The following SEPTIN11 variants were observed in gnomAD, a reference collection of about 807,000 sequenced individuals.
SEPTIN11 encodes septin 11.
Under a neutral mutation model 51.4 loss-of-function variants are expected in SEPTIN11, and 25 were observed. The observed-to-expected ratio is 0.49, with a 90% confidence interval of 0.35 to 0.68. SEPTIN11 has a LOEUF of 0.68. SEPTIN11 is among the 30% of genes least tolerant of loss of function. The pLI is 0.00. For missense variants in SEPTIN11, 381 were observed against 520.8 expected, an observed-to-expected ratio of 0.73 and a Z score of 2.61; for synonymous variants, 174 against 184.1, an observed-to-expected ratio of 0.95 and a Z score of 0.44.
intron 1 of SEPTIN11, among the ~76,000 whole-genome samples, chr4:76,950,184 C>T (rs1452786117): frequency 2.0e-5 from 3 of 152,218 alleles, no homozygotes; most frequent in African/African-American, 7.2e-5. Flanking sequence ...AAGGACCCCT[C>T]TCCTGTTCCC....
chr4:77,012,062 T>C (rs1465525220), intron 4 of SEPTIN11, 141 bp downstream of exon 4: 2 of 504,082 alleles, frequency 4.0e-6, no homozygotes. Flanking sequence ...AGAAAAACGC[T>C]TCAAAACCTC....
rs561847447 is a variant in SEPTIN11 at position 76,988,054 on chromosome 4, G to A, written c.28-8371G>A. On this transcript the variant is annotated intron_variant, in intron 1 of 9. Transcript: ENST00000264893. ...TGATATTTCTACCTTCTCCCATCAG[G>A]TACTGCTGCTCAGAAAGACTATTTG... 3.9e-5 allele frequency among the ~76,000 whole-genome samples: 6 copies of A among 152,210 alleles called. No individual in the cohort carries two copies. The South Asian group carries it at 1.2e-3, about 32-fold the overall frequency.
At chr4:76,965,864 A>G (rs1420754894) in intron 1 of SEPTIN11, among the ~76,000 whole-genome samples, 2 of 152,194 alleles carry the variant, frequency 1.3e-5, no homozygotes, top group African/African-American at 4.8e-5. Context: ...GTGATGGTAA[A>G]AGGATCTTGT....
chr4:76,978,246 TC>T (rs538519786), intron 1 of SEPTIN11, among the ~76,000 whole-genome samples: 135 of 152,214 alleles, frequency 8.9e-4, no homozygotes, highest in African/African-American at 3.0e-3. Context: ...CTTGGATTCT[TC>T]CTTCTCTTGT....
Position 77,030,988 on chromosome 4 carries a change from C to A in SEPTIN11, c.1274+18C>A. 2 of 1,587,592 alleles carry A rather than the reference C, an allele frequency of 1.3e-6. No homozygotes were observed. The highest frequency in any genetic ancestry group is 1.7e-6 in the Non-Finnish European group (2 of 1,173,814). Reference sequence around the variant, plus strand: ...AAGAAAAAGTAAGCAGGTGTCACCCCCCTGTATCGGGGACCTCTAACAATT... The same window carrying A: ...AAGAAAAAGTAAGCAGGTGTCACCCACCTGTATCGGGGACCTCTAACAATT... On this transcript the variant is annotated intron_variant, in intron 9 of 9. Transcript: ENST00000264893.
intron 7 of SEPTIN11, among the ~76,000 whole-genome samples, chr4:77,023,300 AC>A: frequency 7.0e-6 from 1 of 143,378 alleles, no homozygotes; most frequent in African/African-American, 2.6e-5. Context: ...ACACACACAC[AC>A]AATATATATA....
At chr4:77,016,655 T>TATATATATATATAC (rs1553975019) in intron 5 of SEPTIN11, among the ~76,000 whole-genome samples, 1 of 109,024 alleles carries the variant, frequency 9.2e-6, no homozygotes, top group African/African-American at 3.3e-5. Flanking sequence ...TATATATATA[T>TATATATATATATAC]ACACATATAT....
chr4:77,026,791 T>G (rs1006560679), intron 7 of SEPTIN11, among the ~76,000 whole-genome samples: 1 of 152,222 alleles, frequency 6.6e-6, no homozygotes, highest in Non-Finnish European at 1.5e-5. Context: ...TCCTCTACCT[T>G]TGGCAATTCT....
chr4:76,989,847 G>A (rs575947315), intron 1 of SEPTIN11, among the ~76,000 whole-genome samples: 61 of 152,290 alleles, frequency 4.0e-4, no homozygotes, highest in African/African-American at 1.5e-3. Context: ...GTGTCTAGTA[G>A]GCTATACCAT....
At chr4:76,995,853 G>A (rs1166336570) in intron 1 of SEPTIN11, 7 of 1,535,424 alleles carry the variant, frequency 4.6e-6, no homozygotes, top group East Asian at 2.4e-5. Flanking sequence ...TGAAGAGGGG[G>A]AAGAAGACTC....
downstream of SEPTIN11, chr4:77,039,189 C>T (rs1727229358): frequency 7.9e-7 from 1 of 1,267,154 alleles, no homozygotes; most frequent in Non-Finnish European, 1.0e-6. Flanking sequence ...ACCTCATTTC[C>T]ACCATCGCCT....
chr4:76,989,612 G>A (rs1008718934), intron 1 of SEPTIN11, among the ~76,000 whole-genome samples: 1 of 152,174 alleles, frequency 6.6e-6, no homozygotes, highest in African/African-American at 2.4e-5. Flanking sequence ...CCCAGGGCTG[G>A]ATTAAAATAC....
intron 1 of SEPTIN11, among the ~76,000 whole-genome samples, chr4:76,976,066 G>T (rs1431794628): frequency 2.0e-5 from 3 of 152,100 alleles, no homozygotes; most frequent in African/African-American, 7.2e-5. Context: ...TTTTGGGCTG[G>T]GTGTTGGGTA....
chr4:76,967,792 A>C (rs1430896915), intron 1 of SEPTIN11, among the ~76,000 whole-genome samples: 1 of 151,750 alleles, frequency 6.6e-6, no homozygotes, highest in African/African-American at 2.4e-5. Context: ...TGAACAATTT[A>C]AGCTTTTTGT....
intron 9 of SEPTIN11, chr4:77,031,178 T>C: frequency 1.9e-6 from 1 of 525,500 alleles, no homozygotes; most frequent in Non-Finnish European, 3.3e-6. Context: ...TTTACCACAA[T>C]TGACCAAGCA....
chr4:77,034,394 G>A (rs779776717), intron 9 of SEPTIN11, 103 bp from the exon 10 acceptor site: 31 of 979,166 alleles, frequency 3.2e-5, no homozygotes, highest in Non-Finnish European at 4.3e-5. Flanking sequence ...ATCATTGCAT[G>A]AGCATTCACC....
intron 1 of SEPTIN11, among the ~76,000 whole-genome samples, chr4:76,968,547 T>C (rs1722121518): frequency 2.0e-5 from 3 of 152,308 alleles, no homozygotes; most frequent in Admixed American, 2.0e-4. Flanking sequence ...GAAAACATCT[T>C]TCTAAAAGGT....
chr4:77,014,707 G>A (rs1205466606), intron 4 of SEPTIN11, 149 bp from the exon 5 acceptor site: 2 of 712,846 alleles, frequency 2.8e-6, no homozygotes, highest in Non-Finnish European at 4.4e-6. Flanking sequence ...ATATATTTAT[G>A]GGGTACATGA....
At position 76,967,357 on chromosome 4, in the gene SEPTIN11, T is replaced by C. The variant is rs367902544; in HGVS notation, c.27+17427T>C. Among the ~76,000 whole-genome samples, 5 of 152,290 alleles carry C rather than the reference T, an allele frequency of 3.3e-5. No individual in the cohort carries two copies. The East Asian group carries it at 5.8e-4, about 18-fold the overall frequency. ...TTGAATTATTGATGGCATGGTAAGA[T>C]GATAGTAAGGGAGGCAAATGTGTAA... On this transcript the variant is annotated intron_variant, in intron 1 of 9. Coordinates refer to ENST00000264893, the MANE Select transcript of SEPTIN11 (RefSeq NM_018243.4).
Sources: gnomAD v4.1 joint callset for allele counts (sites outside exome capture counted in the v4.1 genomes callset) on GRCh38, gnomAD v4.1.1 for gene constraint, MANE v1.5 for transcripts, NCBI Gene and HGNC (gene_info 2026-07-23, HGNC 2026-07-21) for gene names.